Variants in PLCB1 observed in about 807,000 individuals in gnomAD.
PLCB1 encodes phospholipase C beta 1, also known as 1-phosphatidylinositol 4,5-bisphosphate phosphodiesterase beta-1.
PLCB1 carries 46 observed loss-of-function variants against 161.8 expected under a neutral mutation model. That is an observed-to-expected ratio of 0.28 (90% confidence interval 0.22 to 0.36). PLCB1 has a LOEUF of 0.36. Ranked by LOEUF, PLCB1 falls within the 10% of genes least tolerant of loss-of-function variation. The pLI is 1.00. For missense variants in PLCB1, 1,016 were observed against 1,472.5 expected, an observed-to-expected ratio of 0.69 and a Z score of 5.07; for synonymous variants, 517 against 503.7, an observed-to-expected ratio of 1.03 and a Z score of -0.35.
intron 2 of PLCB1, among the ~76,000 whole-genome samples, chr20:8,274,729 T>C (rs895591323): frequency 7.2e-5 from 11 of 152,178 alleles, no homozygotes; most frequent in Non-Finnish European, 7.4e-5. Context: ...AGATCTTCCA[T>C]GTTGGCCAAT....
intron 26 of PLCB1, among the ~76,000 whole-genome samples, chr20:8,773,355 A>G (rs1982787125): frequency 6.6e-6 from 1 of 152,230 alleles, no homozygotes; most frequent in South Asian, 2.1e-4. Context: ...CCTGTTCCCA[A>G]TACTCTGTCT....
At chr20:8,633,815 C>T (rs944725433) in intron 4 of PLCB1, among the ~76,000 whole-genome samples, 5 of 152,042 alleles carry the variant, frequency 3.3e-5, no homozygotes, top group Non-Finnish European at 5.9e-5. Context: ...ACCTCTATAT[C>T]GGCAGTTAAC....
At chr20:8,404,873 T>TTAATTGAATTCAAGTAACATTAATTCAAG (rs1354422868) in intron 3 of PLCB1, among the ~76,000 whole-genome samples, 1 of 152,162 alleles carries the variant, frequency 6.6e-6, no homozygotes, top group Non-Finnish European at 1.5e-5. Context: ...TCAAGTAACA[T>TTAATTGAATTCAAGTAACATTAATTCAAG]TAACACACCA....
chr20:8,858,418 G>T (rs1338787196), intron 31 of PLCB1, among the ~76,000 whole-genome samples: 2 of 152,234 alleles, frequency 1.3e-5, no homozygotes, highest in Non-Finnish European at 2.9e-5. Context: ...CCCTGATGTT[G>T]TGTAGTAATG....
chr20:8,645,143 A>G (rs916927139), intron 4 of PLCB1, among the ~76,000 whole-genome samples: 2 of 149,358 alleles, frequency 1.3e-5, no homozygotes, highest in East Asian at 3.9e-4. Flanking sequence ...AGTCATCACC[A>G]CTCCCTAATC....
chr20:8,684,841 A>T, intron 9 of PLCB1, 91 bp from the exon 10 acceptor site: 1 of 944,834 alleles, frequency 1.1e-6, no homozygotes, highest in Non-Finnish European at 1.6e-6. Context: ...CTTGGACACT[A>T]CAAGATATTT....
intron 3 of PLCB1, among the ~76,000 whole-genome samples, chr20:8,470,881 A>T (rs1441871442): frequency 6.6e-6 from 1 of 150,632 alleles, no homozygotes; most frequent in Non-Finnish European, 1.5e-5. Context: ...GTTTTGTTTG[A>T]TTTGGTCTTG....
intron 3 of PLCB1, among the ~76,000 whole-genome samples, chr20:8,417,085 T>C (rs1483837316): frequency 9.8e-6 from 1 of 102,156 alleles, no homozygotes; most frequent in Non-Finnish European, 2.0e-5. Context: ...TTTTTTTTTT[T>C]TTTTTTTTTT....
intron 3 of PLCB1, among the ~76,000 whole-genome samples, chr20:8,428,450 A>G (rs1600394033): frequency 6.6e-6 from 1 of 152,146 alleles, no homozygotes; most frequent in African/African-American, 2.4e-5. Flanking sequence ...CCAACTCCTG[A>G]CCTCAGGTGA....
intron 31 of PLCB1, among the ~76,000 whole-genome samples, chr20:8,820,384 T>C (rs970767047): frequency 6.6e-6 from 1 of 152,026 alleles, no homozygotes; most frequent in African/African-American, 2.4e-5. Flanking sequence ...ATAAATAGGC[T>C]CAAGCTCATT....
At chr20:8,289,394 G>A (rs1214871347) in intron 2 of PLCB1, among the ~76,000 whole-genome samples, 2 of 152,096 alleles carry the variant, frequency 1.3e-5, no homozygotes, top group African/African-American at 2.4e-5. Context: ...TGAGACTCCC[G>A]GGAAAGCTGA....
At chr20:8,424,673 A>G (rs1979674345) in intron 3 of PLCB1, among the ~76,000 whole-genome samples, 1 of 152,198 alleles carries the variant, frequency 6.6e-6, no homozygotes, top group South Asian at 2.1e-4. Context: ...GTATTTAGCA[A>G]GCAAATACTA....
At chr20:8,469,679 T>G (rs1981969094) in intron 3 of PLCB1, among the ~76,000 whole-genome samples, 1 of 152,156 alleles carries the variant, frequency 6.6e-6, no homozygotes, top group African/African-American at 2.4e-5. Context: ...GCTTTCCATT[T>G]TTTCCAGCTT....
chr20:8,859,042 C>T (rs1266985065), intron 31 of PLCB1, among the ~76,000 whole-genome samples: 2 of 151,970 alleles, frequency 1.3e-5, no homozygotes, highest in African/African-American at 4.8e-5. Flanking sequence ...GGAAACTGGG[C>T]AACACACTTC....
chr20:8,274,375 A>C (rs1006112147), intron 2 of PLCB1, among the ~76,000 whole-genome samples: 1 of 152,282 alleles, frequency 6.6e-6, no homozygotes, highest in South Asian at 2.1e-4. Context: ...TGAAGCCTTA[A>C]AATTTTTGTT....
intron 2 of PLCB1, among the ~76,000 whole-genome samples, chr20:8,179,116 G>T (rs982356776): frequency 1.3e-5 from 2 of 152,066 alleles, no homozygotes; most frequent in Non-Finnish European, 2.9e-5. Flanking sequence ...GGCTATTCAG[G>T]CTCTTTTTTG....
intron 2 of PLCB1, among the ~76,000 whole-genome samples, chr20:8,262,194 G>T (rs1981733327): frequency 6.6e-6 from 1 of 151,786 alleles, no homozygotes; most frequent in East Asian, 1.9e-4. Context: ...TGTTTCTCCT[G>T]CCTCAGACTC....
At chr20:8,408,142 G>A (rs529476209) in intron 3 of PLCB1, among the ~76,000 whole-genome samples, 1 of 152,190 alleles carries the variant, frequency 6.6e-6, no homozygotes, top group Non-Finnish European at 1.5e-5. Flanking sequence ...TCATACTAAT[G>A]TAAGATATTA....
At position 8,831,927 on chromosome 20, in the gene PLCB1, TTTCTTTCTTTCTTTC is replaced by T. The variant is rs1389057116; in HGVS notation, c.3423+41669_3423+41683del. Among the ~76,000 whole-genome samples the T allele has an allele frequency of 5.6e-5, 4 of 71,154 alleles. 1 individual carries two copies. Among genetic ancestry groups the T allele is most frequent in the Non-Finnish European group, 1.3e-4 (4 of 30,718 alleles). The allele number at this position is 71,154 out of a possible 152,430, so 46.7% of individuals were successfully genotyped here. ...CTCTTTCTTTCTCTTTCTTTCTTTC[TTTCTTTCTTTCTTTC>T]TTTCTTTCTTTCTTTCTTTCTTTCT... On this transcript the variant is annotated intron_variant, in intron 31 of 31. Transcript: ENST00000338037.
Sources: gnomAD v4.1 joint callset for allele counts (sites outside exome capture counted in the v4.1 genomes callset) on GRCh38, gnomAD v4.1.1 for gene constraint, MANE v1.5 for transcripts, NCBI Gene and HGNC (gene_info 2026-07-23, HGNC 2026-07-21) for gene names.